The following QTMAN variants were observed in gnomAD, a reference collection of about 807,000 sequenced individuals.
QTMAN encodes tRNA-queuosine alpha-mannosyltransferase.
chr2:144,258,465 C>A, the QTMAN span, among the ~76,000 whole-genome samples: 1 of 152,142 alleles, frequency 6.6e-6, no homozygotes, highest in African/African-American at 2.4e-5. Flanking sequence ...TCAATTCTGG[C>A]CTTAGACTTC....
the QTMAN span, among the ~76,000 whole-genome samples, chr2:144,251,801 CTG>C: frequency 6.6e-6 from 1 of 152,150 alleles, no homozygotes; most frequent in South Asian, 2.1e-4. Context: ...AAGTCACAGA[CTG>C]AGAGAAAATA....
chr2:143,957,560 C>T, the QTMAN span, among the ~76,000 whole-genome samples: 1 of 152,046 alleles, frequency 6.6e-6, no homozygotes, highest in Non-Finnish European at 1.5e-5. Context: ...CCACCCTCCC[C>T]CTAAATGAAA....
chr2:144,244,990 A>C, the QTMAN span, among the ~76,000 whole-genome samples: 8 of 152,328 alleles, frequency 5.3e-5, no homozygotes, highest in African/African-American at 1.9e-4. Context: ...TCAGACAAGA[A>C]ATGTAACCTC....
chr2:143,995,390 C>T, the QTMAN span, among the ~76,000 whole-genome samples: 2 of 151,964 alleles, frequency 1.3e-5, no homozygotes, highest in Non-Finnish European at 2.9e-5. Flanking sequence ...GTGAGAGTCC[C>T]GTGTGAGCTA....
chr2:144,217,467 T>C, the QTMAN span, among the ~76,000 whole-genome samples: 5 of 152,040 alleles, frequency 3.3e-5, no homozygotes, highest in Non-Finnish European at 7.4e-5. Context: ...ATATGTTTTA[T>C]ATGCTTGTGG....
the QTMAN span, among the ~76,000 whole-genome samples, chr2:144,136,622 A>AC: frequency 6.6e-6 from 1 of 152,104 alleles, no homozygotes; most frequent in Non-Finnish European, 1.5e-5. Context: ...CAATTACATG[A>AC]CCTAAAGTAT....
chr2:144,142,822 G>A, the QTMAN span, among the ~76,000 whole-genome samples: 47 of 151,934 alleles, frequency 3.1e-4, no homozygotes, highest in African/African-American at 3.1e-4. Context: ...CGAATTCAAT[G>A]AAATAAATGT....
At chr2:144,330,063 G>T in the QTMAN span, among the ~76,000 whole-genome samples, 9 of 152,310 alleles carry the variant, frequency 5.9e-5, no homozygotes, top group East Asian at 1.2e-3. Context: ...TCATGCACTT[G>T]AGGTCCACTT....
At chr2:144,121,568 A>G in the QTMAN span, among the ~76,000 whole-genome samples, 1 of 152,210 alleles carries the variant, frequency 6.6e-6, no homozygotes, top group Non-Finnish European at 1.5e-5. Flanking sequence ...TACCATTGCA[A>G]TGGGAACAAA....
At chr2:144,170,591 G>A in the QTMAN span, among the ~76,000 whole-genome samples, 71 of 152,216 alleles carry the variant, frequency 4.7e-4, no homozygotes, top group Admixed American at 2.8e-3. Context: ...ATACTGGATA[G>A]CAAATAAATG....
the QTMAN span, among the ~76,000 whole-genome samples, chr2:144,172,363 A>C: frequency 6.6e-6 from 1 of 152,052 alleles, no homozygotes; most frequent in Admixed American, 6.6e-5. Context: ...GTTCACACCC[A>C]TAATCTCAAC....
chr2:144,084,113 C>T, the QTMAN span, among the ~76,000 whole-genome samples: 1 of 152,274 alleles, frequency 6.6e-6, no homozygotes, highest in Admixed American at 6.5e-5. Context: ...AGTCAAAGGT[C>T]CAAACAACAC....
the QTMAN span, among the ~76,000 whole-genome samples, chr2:144,310,096 G>A: frequency 7.9e-4 from 120 of 152,306 alleles, no homozygotes; most frequent in African/African-American, 2.7e-3. Context: ...TAGTTGCAGG[G>A]AGAGGGACAT....
the QTMAN span, among the ~76,000 whole-genome samples, chr2:144,246,653 G>C: frequency 6.8e-6 from 1 of 147,966 alleles, no homozygotes; most frequent in Non-Finnish European, 1.5e-5. Flanking sequence ...CTCCAATATA[G>C]AGTCTCAATT....
At chr2:144,029,787 T>C in the QTMAN span, among the ~76,000 whole-genome samples, 1 of 152,186 alleles carries the variant, frequency 6.6e-6, no homozygotes, top group African/African-American at 2.4e-5. Context: ...TCATAACTTA[T>C]ACTAAGAGTA....
At chr2:143,989,296 G>C in the QTMAN span, among the ~76,000 whole-genome samples, 1 of 151,822 alleles carries the variant, frequency 6.6e-6, no homozygotes, top group Non-Finnish European at 1.5e-5. Context: ...AGAACTGAGT[G>C]GTGATAATCA....
chr2:144,216,146 C>T, the QTMAN span, among the ~76,000 whole-genome samples: 8 of 152,230 alleles, frequency 5.3e-5, no homozygotes, highest in African/African-American at 1.7e-4. Context: ...TCACCTCCAT[C>T]AGCCTTCTCT....
the QTMAN span, among the ~76,000 whole-genome samples, chr2:144,133,429 AT>A: frequency 2.2e-5 from 1 of 46,338 alleles, no homozygotes; most frequent in Non-Finnish European, 3.1e-5. Context: ...AATATATATA[AT>A]ATATAATATA....
At chr2:144,241,912 G>C in the QTMAN span, among the ~76,000 whole-genome samples, 1 of 152,110 alleles carries the variant, frequency 6.6e-6, no homozygotes, top group Admixed American at 6.5e-5. Context: ...GCTGGAGATA[G>C]ATCCATTTTG....
Sources: gnomAD v4.1 joint callset for allele counts (sites outside exome capture counted in the v4.1 genomes callset) on GRCh38, gnomAD v4.1.1 for gene constraint, MANE v1.5 for transcripts, NCBI Gene and HGNC (gene_info 2026-07-23, HGNC 2026-07-21) for gene names.